The following SETDB2 variants were observed in gnomAD, a reference collection of about 807,000 sequenced individuals.
The protein encoded by SETDB2 is histone-lysine N-methyltransferase SETDB2.
In SETDB2, 56 loss-of-function variants were observed where a neutral mutation model predicts 82.5. The ratio of observed to expected loss-of-function variants is 0.68; its 90% CI spans 0.55 to 0.85. The LOEUF is 0.85. SETDB2 is among the 40% of genes least tolerant of loss of function. The probability of loss-of-function intolerance (pLI) is 0.00; values close to 1 mark genes in which losing one functional copy is unlikely to be tolerated. For synonymous variants in SETDB2, 272 were observed against 284.9 expected (o/e 0.95, Z 0.46); for missense variants, 677 against 816.4 (o/e 0.83, Z 2.08).
intron 8 of SETDB2, 100 bp downstream of exon 8, chr13:49,481,216 A>G: frequency 9.3e-7 from 1 of 1,070,818 alleles, no homozygotes; most frequent in Non-Finnish European, 1.3e-6. Flanking sequence ...CAGCAAGGTA[A>G]AGAGTAACAG....
chr13:49,482,656 A>G (rs1363713099), intron 8 of SETDB2, 81 bp from the exon 9 acceptor site: 1 of 887,732 alleles, frequency 1.1e-6, no homozygotes, highest in Non-Finnish European at 1.7e-6. Flanking sequence ...TTCTTTAGTC[A>G]TGGAGTAGAA....
chr13:49,465,600 G>T (rs540415888), intron 4 of SETDB2, among the ~76,000 whole-genome samples: 10 of 151,346 alleles, frequency 6.6e-5, no homozygotes, highest in Admixed American at 4.6e-4. Flanking sequence ...ACAATGGCAC[G>T]ATCTTTGCTC....
Position 49,476,527 on chromosome 13 carries a change from T to C in SETDB2, c.357T>C (p.Phe119=), listed in dbSNP as rs1425469315. The C allele has an allele frequency of 8.7e-6, 14 of 1,612,452 alleles. No individual in the cohort carries two copies. In the Admixed American group the frequency reaches 1.3e-4, roughly 15 times the overall value. ...CTCTTGAAGATAAAGTTGTAGACTT[T>C]AGAGAAAAAGACTCATCTTCGAATT... ...ILSLEDKVVD[F]REKDSSSNLS... is the part of the protein sequence containing the mutation. Residue 119 remains phenylalanine, a synonymous_variant, in exon 6 of 14, where the codon TTT becomes TTC. Coordinates refer to ENST00000611815, the MANE Select transcript of SETDB2 (RefSeq NM_001160308.3).
chr13:49,480,199 A>C lies in SETDB2; in HGVS notation c.870-20A>C, dbSNP rs1488686417. 6.6e-7 allele frequency: 1 copy of C among 1,515,946 alleles called. No individual in the cohort carries two copies. Among genetic ancestry groups the C allele is most frequent in the South Asian group, 1.2e-5 (1 of 84,610 alleles). 93.9% of individuals were successfully genotyped at this position (1,515,946 alleles called of 1,614,324 possible). A position where few individuals can be genotyped will look rare whatever the true frequency, so the allele number is the denominator to read the frequency against. On this transcript the variant is annotated intron_variant, in intron 6 of 13. Coordinates refer to ENST00000611815, the MANE Select transcript of SETDB2 (RefSeq NM_001160308.3). Reference sequence around the variant, plus strand: ...CTTGCTGCTTTTTCATTCTTTCTCCATCCATTGCCTGCCTTTTAGAACAAA... The same window carrying C: ...CTTGCTGCTTTTTCATTCTTTCTCCCTCCATTGCCTGCCTTTTAGAACAAA...
chr13:49,464,077 A>G (rs770701801), intron 4 of SETDB2: 4 of 774,078 alleles, frequency 5.2e-6, no homozygotes, highest in South Asian at 1.4e-5. Context: ...AGAGCACATT[A>G]TACCACCCTA....
At chr13:49,461,058 A>G in intron 3 of SETDB2, 39 bp from the exon 4 acceptor site, 2 of 1,494,278 alleles carry the variant, frequency 1.3e-6, no homozygotes, top group Non-Finnish European at 1.9e-6. Flanking sequence ...GGCACCATAA[A>G]TAAAGGTAAT....
At chr13:49,459,823 C>A in intron 2 of SETDB2, 1 of 264,096 alleles carries the variant, frequency 3.8e-6, no homozygotes, top group Non-Finnish European at 7.1e-6. Flanking sequence ...ACCCCACAAC[C>A]ACTCTCCAGT....
chr13:49,452,590 A>G (rs7317106), intron 2 of SETDB2, among the ~76,000 whole-genome samples: 152,292 of 152,344 alleles, frequency 1, 76,120 homozygotes, highest in Middle Eastern at 1. Flanking sequence ...AGTCCATAGT[A>G]TATTCACGTT....
chr13:49,489,670 C>T (rs1412730342), intron 12 of SETDB2, among the ~76,000 whole-genome samples: 6 of 143,358 alleles, frequency 4.2e-5, no homozygotes, highest in Non-Finnish European at 7.6e-5. Context: ...GATCTCGGCC[C>T]ACTGCGATCT....
Position 49,467,927 on chromosome 13 carries a change from G to A in SETDB2, c.272G>A (p.Cys91Tyr), listed in dbSNP as rs761287791. 1 of 1,610,060 alleles carries A rather than the reference G, an allele frequency of 6.2e-7. No individual in the cohort carries two copies. The highest frequency in any genetic ancestry group is 8.5e-7 in the Non-Finnish European group (1 of 1,178,554). ...TCCAATGCATTTCCCTCTACATCAT[G>A]TGAAAACTCCTTTCCAGAAGACTGT... ...NKSNAFPSTS[C>Y]ENSFPEDCTF... The change falls in exon 5 of 14, where the codon TGT becomes TAT. Residue 91 changes from cysteine (C) to tyrosine (Y), a missense_variant. Cys to Tyr is a radical substitution (Grantham distance 194). Around this residue, in one of 3 missense-constraint regions of SETDB2, gnomAD observed 243 missense variants for 237.2 expected, o/e 1.02. Coordinates refer to ENST00000611815, the MANE Select transcript of SETDB2 (RefSeq NM_001160308.3).
chr13:49,483,002 T>A, intron 9 of SETDB2, 40 bp downstream of exon 9: 1 of 1,223,992 alleles, frequency 8.2e-7, no homozygotes, highest in Non-Finnish European at 1.2e-6. Flanking sequence ...ATCTAAATTA[T>A]TATCAATCAA....
Position 49,492,346 on chromosome 13 carries a change from C to T in SETDB2, c.*497C>T, listed in dbSNP as rs1434082978. 2 of 160,422 alleles carry T rather than the reference C, an allele frequency of 1.2e-5. No individual in the cohort carries two copies. The highest frequency in any genetic ancestry group is 2.7e-5 in the Non-Finnish European group (2 of 73,202). The allele number at this position is 160,422 out of a possible 1,614,324, so 9.9% of individuals were successfully genotyped here. ...AGGATCTAATTTTATGCATATTACTCCCAAGTATTTTAACACTTGTTGGAG... is the reference window on the plus strand; with the variant it reads ...AGGATCTAATTTTATGCATATTACTTCCAAGTATTTTAACACTTGTTGGAG... On this transcript the variant is annotated 3_prime_UTR_variant, in exon 14 of 14. Coordinates refer to ENST00000611815, the MANE Select transcript of SETDB2 (RefSeq NM_001160308.3).
intron 1 of SETDB2, among the ~76,000 whole-genome samples, chr13:49,447,534 G>T (rs760744032): frequency 2.6e-5 from 4 of 152,028 alleles, no homozygotes; most frequent in Non-Finnish European, 5.9e-5. Context: ...AGATAGCCTC[G>T]ATCAGAATAA....
chr13:49,462,408 TATGTC>T (rs1958014475), intron 4 of SETDB2, among the ~76,000 whole-genome samples: 1 of 152,184 alleles, frequency 6.6e-6, no homozygotes, highest in South Asian at 2.1e-4. Flanking sequence ...CAGAAGTTCT[TATGTC>T]AGGAACTGGG....
chr13:49,460,077 T>C (rs748561237), intron 2 of SETDB2, 30 bp from the exon 3 acceptor site: 1 of 1,600,378 alleles, frequency 6.2e-7, no homozygotes, highest in Non-Finnish European at 8.5e-7. Flanking sequence ...TTCTATTAGC[T>C]CTTAGGCTAG....
At chr13:49,480,470 A>G in intron 7 of SETDB2, 135 bp downstream of exon 7, 1 of 598,968 alleles carries the variant, frequency 1.7e-6, no homozygotes, top group Non-Finnish European at 2.9e-6. Context: ...ATTATTAAGG[A>G]ATAAAAATCC....
Position 49,451,830 on chromosome 13 carries a change from GCAAT to G in SETDB2, c.-60_-57del, listed in dbSNP as rs781591495. ...CACAGTTGGATTCCAGTGATATTCT[GCAAT>G]CAAAGTGATTTGATAAACCTAATTT... On this transcript the variant is annotated 5_prime_UTR_variant, in exon 2 of 14. Transcript: ENST00000611815. 4.7e-5 allele frequency: 61 copies of G among 1,300,624 alleles called. No individual in the cohort carries two copies. Among genetic ancestry groups the G allele is most frequent in the Non-Finnish European group, 6.1e-5 (56 of 915,092 alleles). 80.6% of individuals were successfully genotyped at this position (1,300,624 alleles called of 1,614,324 possible).
chr13:49,460,106 G>A lies in SETDB2; in HGVS notation c.17-1G>A. On this transcript the variant is annotated splice_acceptor_variant, in intron 2 of 13. Transcript: ENST00000611815. LOFTEE classifies it high-confidence loss of function. The stretch of plus-strand genomic sequence containing the variant: ...AGGCTAGTCACTTATTTTTATTTTA[G>A]GCGATGCAAAAACTTTCTGGATGGA... The A allele has an allele frequency of 6.2e-7, 1 of 1,607,742 alleles. No individual in the cohort carries two copies.
rs1957789855 is a variant in SETDB2 at position 49,451,760 on chromosome 13, G to C, written c.-134G>C. On this transcript the variant is annotated 5_prime_UTR_variant, in exon 2 of 14. Transcript: ENST00000611815. ...ATCAAAGGATACCAGGTTTAGAATG[G>C]TATAATGATGTATTTTGTCTGAGGA... 1 of 570,854 alleles carries C rather than the reference G, an allele frequency of 1.8e-6. No individual in the cohort carries two copies. The allele number at this position is 570,854 out of a possible 1,614,324, so 35.4% of individuals were successfully genotyped here. A position where few individuals can be genotyped will look rare whatever the true frequency, so the allele number is the denominator to read the frequency against.
Sources: allele counts gnomAD v4.1 joint callset (sites outside exome capture counted in the v4.1 genomes callset), GRCh38; gene constraint gnomAD v4.1.1; regional missense constraint gnomAD v4.1.1; transcripts MANE v1.5; gene names NCBI Gene and HGNC (gene_info 2026-07-23, HGNC 2026-07-21).